The following SCRN1 variants were observed in gnomAD, a reference collection of about 807,000 sequenced individuals.
SCRN1 encodes the protein secernin 1, also known as secernin-1.
SCRN1 carries 19 observed loss-of-function variants against 43.3 expected under a neutral mutation model. The ratio of observed to expected loss-of-function variants is 0.44; its 90% confidence interval spans 0.31 to 0.64. The LOEUF is 0.64. Among genes scored for constraint, SCRN1 ranks in the 30% least tolerant of loss-of-function variants. SCRN1 has a pLI of 0.09. For missense variants in SCRN1, 447 were observed against 524.1 expected (o/e 0.85, Z 1.44); for synonymous variants, 183 against 188.9 (o/e 0.97, Z 0.26).
chr7:29,928,661 G>A (rs1359642839), intron 6 of SCRN1, among the ~76,000 whole-genome samples: 1 of 152,026 alleles, frequency 6.6e-6, no homozygotes, highest in African/African-American at 2.4e-5. Context: ...TCAAAGTCAA[G>A]CCCTGCCAAG....
At chr7:29,949,272 G>A (rs1332465302) in intron 3 of SCRN1, among the ~76,000 whole-genome samples, 1 of 150,682 alleles carries the variant, frequency 6.6e-6, no homozygotes, top group African/African-American at 2.4e-5. Context: ...CCGAGATGGT[G>A]CCACTGCACT....
chr7:29,966,179 G>GAGAGAC (rs1788488528), intron 2 of SCRN1, among the ~76,000 whole-genome samples: 1 of 149,304 alleles, frequency 6.7e-6, no homozygotes, highest in African/African-American at 2.5e-5. Context: ...GAGAGAGAGA[G>GAGAGAC]AGAGAGAGAG....
intron 6 of SCRN1, among the ~76,000 whole-genome samples, chr7:29,934,056 C>T (rs905885501): frequency 6.6e-6 from 1 of 152,152 alleles, no homozygotes; most frequent in African/African-American, 2.4e-5. Context: ...TACAGAGAAA[C>T]AACTGAAATG....
chr7:29,976,340 C>T (rs989117285), intron 1 of SCRN1, among the ~76,000 whole-genome samples: 1 of 152,160 alleles, frequency 6.6e-6, no homozygotes, highest in South Asian at 2.1e-4. Flanking sequence ...GTGATATAAG[C>T]CAGTCACGAA....
At chr7:29,980,076 T>C (rs1788951873) in intron 1 of SCRN1, among the ~76,000 whole-genome samples, 2 of 152,244 alleles carry the variant, frequency 1.3e-5, no homozygotes, top group Non-Finnish European at 2.9e-5. Context: ...CTCTACTTAC[T>C]AAGCTCCTTA....
chr7:29,968,874 G>A (rs747494863), intron 2 of SCRN1, 35 bp downstream of exon 2: 21 of 1,612,500 alleles, frequency 1.3e-5, no homozygotes, highest in Middle Eastern at 1.7e-4. Context: ...AGAGAAAAGA[G>A]AGTGTGACTC....
At chr7:29,957,965 A>G (rs144398485) in intron 2 of SCRN1, among the ~76,000 whole-genome samples, 1 of 152,192 alleles carries the variant, frequency 6.6e-6, no homozygotes, top group South Asian at 2.1e-4. Context: ...CAAAAAGACC[A>G]GATGGTCTTT....
At chr7:29,926,418 C>T (rs768622314) in intron 7 of SCRN1, 34 bp downstream of exon 7, 64 of 1,599,848 alleles carry the variant, frequency 4.0e-5, no homozygotes, top group East Asian at 6.7e-5. Context: ...CGCCCGCCTC[C>T]GCCTCCGCCT....
intron 1 of SCRN1, chr7:29,969,292 C>A: frequency 1.8e-6 from 1 of 543,422 alleles, no homozygotes; most frequent in Non-Finnish European, 3.3e-6. Context: ...ATTAAATGAG[C>A]TCAGATTTGC....
intron 1 of SCRN1, among the ~76,000 whole-genome samples, chr7:29,978,833 A>G (rs1363449542): frequency 2.0e-5 from 3 of 152,210 alleles, no homozygotes; most frequent in African/African-American, 7.2e-5. Flanking sequence ...ATTTTGCCTC[A>G]TTTGCAAGAT....
chr7:29,944,027 G>C lies in SCRN1; in HGVS notation c.494C>G (p.Ala165Gly). 6.2e-7 allele frequency: 1 copy of C among 1,614,174 alleles called. No individual in the cohort carries two copies. The change falls in exon 4 of 8, where the codon GCC becomes GGC. Residue 165 changes from alanine (A) to glycine (G), a missense_variant. Coordinates refer to ENST00000242059, the MANE Select transcript of SCRN1 (RefSeq NM_014766.5). The stretch of plus-strand genomic sequence containing the variant: ...CTTCCCTATGGTCTCGAGCACCCAG[G>C]CTTCATCACGATCCACAATCAGATA... ...SAYLIVDRDE[A>G]WVLETIGKYW... is the part of the protein sequence containing the mutation.
chr7:29,939,120 T>C (rs1787444645), intron 5 of SCRN1, among the ~76,000 whole-genome samples: 1 of 152,168 alleles, frequency 6.6e-6, no homozygotes, highest in Non-Finnish European at 1.5e-5. Flanking sequence ...AAGTGAGTAT[T>C]TTCTTACCTT....
chr7:29,942,941 C>T (rs1787606189), intron 4 of SCRN1, among the ~76,000 whole-genome samples: 1 of 152,160 alleles, frequency 6.6e-6, no homozygotes, highest in Non-Finnish European at 1.5e-5. Flanking sequence ...ACTTTGTGCA[C>T]AGAAAACAGG....
At chr7:29,967,791 G>T (rs1305115033) in intron 2 of SCRN1, among the ~76,000 whole-genome samples, 1 of 152,062 alleles carries the variant, frequency 6.6e-6, no homozygotes, top group African/African-American at 2.4e-5. Context: ...AAATATACCT[G>T]AAAACCCCAA....
rs1421307861 is a variant in SCRN1 at position 29,923,616 on chromosome 7, C to A, written c.*341G>T. ...TTCCCGCCAACTCGGCACTGTGAAG[C>A]CTGCCTTTCAAGGCTTGATGAACTC... On this transcript the variant is annotated 3_prime_UTR_variant, in exon 8 of 8. Transcript: ENST00000242059. 3.3e-5 allele frequency: 6 copies of A among 184,072 alleles called. No individual in the cohort carries two copies. The highest frequency in any genetic ancestry group is 1.2e-4 in the African/African-American group (5 of 42,502). The allele number at this position is 184,072 out of a possible 1,614,324, so 11.4% of individuals were successfully genotyped here.
intron 2 of SCRN1, among the ~76,000 whole-genome samples, chr7:29,960,639 T>A (rs1010001968): frequency 1.3e-5 from 2 of 152,088 alleles, no homozygotes; most frequent in Non-Finnish European, 2.9e-5. Context: ...GGATCCATTT[T>A]TTTCCTAAAT....
Position 29,940,886 on chromosome 7 carries a change from G to A in SCRN1, c.545-10C>T, listed in dbSNP as rs757085211. On this transcript the variant is annotated splice_polypyrimidine_tract_variant and intron_variant, in intron 4 of 7. Transcript: ENST00000242059. Reference sequence around the variant, plus strand: ...ATGCACCTCACTCCCTCTGCAGAGAGTGCAAAGCCCCATAAGTTAAAAATA... The same window carrying A: ...ATGCACCTCACTCCCTCTGCAGAGAATGCAAAGCCCCATAAGTTAAAAATA... The A allele has an allele frequency of 2.0e-6, 3 of 1,489,902 alleles. No homozygotes were observed. Among genetic ancestry groups the A allele is most frequent in the Non-Finnish European group, 2.7e-6 (3 of 1,124,204 alleles). The allele number at this position is 1,489,902 out of a possible 1,614,324, so 92.3% of individuals were successfully genotyped here.
intron 2 of SCRN1, among the ~76,000 whole-genome samples, chr7:29,961,492 A>G (rs1349627526): frequency 6.8e-6 from 1 of 146,696 alleles, no homozygotes; most frequent in Non-Finnish European, 1.5e-5. Flanking sequence ...CACGGCAACC[A>G]TCCGATTTCT....
chr7:29,989,813 G>C (rs1220661977), upstream of SCRN1: 1 of 988,926 alleles, frequency 1.0e-6, no homozygotes, highest in African/African-American at 1.7e-5. Context: ...CGGCGCTGGG[G>C]CCCGCCGCCC....
Sources: gnomAD v4.1 joint callset for allele counts (sites outside exome capture counted in the v4.1 genomes callset) on GRCh38, gnomAD v4.1.1 for gene constraint, MANE v1.5 for transcripts, NCBI Gene and HGNC (gene_info 2026-07-23, HGNC 2026-07-21) for gene names.